RPH3A: variants seen among roughly 807,000 people sequenced by gnomAD.
RPH3A encodes rabphilin-3A.
A neutral mutation model predicts 102.2 loss-of-function variants in RPH3A; 48 were observed. The observed-to-expected ratio is 0.47, with a 90% CI of 0.37 to 0.60. RPH3A has a LOEUF of 0.60. Ranked by LOEUF, RPH3A falls within the 20% of genes least tolerant of loss-of-function variation. The probability of loss-of-function intolerance (pLI) is 0.00; values close to 1 mark genes in which losing one functional copy is unlikely to be tolerated. For missense variants in RPH3A, 781 were observed against 910.1 expected, an observed-to-expected ratio of 0.86 and a Z score of 1.83; for synonymous variants, 310 against 324.3, an observed-to-expected ratio of 0.96 and a Z score of 0.47.
rs1204454021 is a variant in RPH3A, at chr12:112,828,232, G to C, written c.-18-69G>C. ...TATCCCACTGGGTGTGTGGCATAAAGCAGGGATTTGGGAACTAAGGAGTGG... is the reference window on the plus strand; with the variant it reads ...TATCCCACTGGGTGTGTGGCATAAACCAGGGATTTGGGAACTAAGGAGTGG... On this transcript the variant is annotated intron_variant, in intron 2 of 21. Coordinates refer to ENST00000389385, the MANE Select transcript of RPH3A (RefSeq NM_001143854.2). 2.9e-6 allele frequency: 3 copies of C among 1,044,088 alleles called. No individual in the cohort carries two copies. The African/African-American group carries it at 4.8e-5, about 17-fold the overall frequency. 64.7% of individuals were successfully genotyped at this position (1,044,088 alleles called of 1,614,324 possible). A position where few individuals can be genotyped will look rare whatever the true frequency, so the allele number is the denominator to read the frequency against.
At chr12:112,862,382 A>G (rs113804449) in intron 5 of RPH3A, among the ~76,000 whole-genome samples, 3,107 of 152,304 alleles carry the variant, frequency 0.02, 131 homozygotes, top group African/African-American at 0.07. Context: ...TCTGGCCTGG[A>G]TGGCAGAGCA....
At chr12:112,854,754 G>A (rs1001297862) in intron 5 of RPH3A, among the ~76,000 whole-genome samples, 1 of 152,218 alleles carries the variant, frequency 6.6e-6, no homozygotes, top group Non-Finnish European at 1.5e-5. Context: ...TGAAGCTCAG[G>A]GAAGTTAAGC....
intron 21 of RPH3A, 107 bp downstream of exon 21, chr12:112,895,980 ACC>A (rs1319536144): frequency 1.4e-6 from 1 of 731,404 alleles, no homozygotes; most frequent in African/African-American, 1.7e-5. Context: ...TCTTTTGGCA[ACC>A]TCATTGTTCA....
At chr12:112,631,696 T>A (rs943320709) in intron 1 of RPH3A, among the ~76,000 whole-genome samples, 21 of 149,652 alleles carry the variant, frequency 1.4e-4, no homozygotes, top group African/African-American at 4.8e-4. Context: ...TAATTTGTAA[T>A]TTTTTTTTGT....
intron 1 of RPH3A, among the ~76,000 whole-genome samples, chr12:112,624,190 G>C (rs1395413355): frequency 1.6e-5 from 2 of 127,326 alleles, no homozygotes. Context: ...GCTAGCAGAA[G>C]GCAAGAAATA....
chr12:112,644,324 C>G (rs2135993327), intron 1 of RPH3A, among the ~76,000 whole-genome samples: 1 of 152,276 alleles, frequency 6.6e-6, no homozygotes, highest in Middle Eastern at 3.4e-3. Context: ...CAGATTGAGC[C>G]TGTTTGCACT....
chr12:112,702,782 A>G (rs1239818382), intron 1 of RPH3A, among the ~76,000 whole-genome samples: 1 of 152,230 alleles, frequency 6.6e-6, no homozygotes, highest in African/African-American at 2.4e-5. Flanking sequence ...GGAGATTCGG[A>G]GTTCTTCTTA....
At chr12:112,808,477 T>A (rs2041510817) in intron 2 of RPH3A, among the ~76,000 whole-genome samples, 1 of 152,182 alleles carries the variant, frequency 6.6e-6, no homozygotes, top group African/African-American at 2.4e-5. Flanking sequence ...AGTGGTGGAT[T>A]ATTTTTTAAA....
At chr12:112,838,078 G>C (rs2042083436) in intron 4 of RPH3A, among the ~76,000 whole-genome samples, 1 of 152,198 alleles carries the variant, frequency 6.6e-6, no homozygotes, top group Non-Finnish European at 1.5e-5. Flanking sequence ...TATGTGCAGA[G>C]CTATAATCAT....
chr12:112,753,935 A>G (rs1786260125), intron 1 of RPH3A, among the ~76,000 whole-genome samples: 1 of 152,188 alleles, frequency 6.6e-6, no homozygotes, highest in Non-Finnish European at 1.5e-5. Flanking sequence ...GGAGGGTCAG[A>G]GTTCATAGCA....
chr12:112,847,216 G>C (rs2042245573), intron 4 of RPH3A, among the ~76,000 whole-genome samples: 1 of 152,174 alleles, frequency 6.6e-6, no homozygotes, highest in Non-Finnish European at 1.5e-5. Flanking sequence ...TGTTACCAGA[G>C]ACTTCGAGGC....
chr12:112,734,975 T>A (rs2040659264), intron 1 of RPH3A, among the ~76,000 whole-genome samples: 1 of 152,254 alleles, frequency 6.6e-6, no homozygotes, highest in Non-Finnish European at 1.5e-5. Flanking sequence ...TATCTCATCC[T>A]GTGACTCAGA....
chr12:112,743,998 G>A (rs994688845), intron 1 of RPH3A, among the ~76,000 whole-genome samples: 4 of 152,142 alleles, frequency 2.6e-5, no homozygotes, highest in African/African-American at 4.8e-5. Context: ...CATAGTAGGC[G>A]TTAATTAAAA....
Position 112,876,779 on chromosome 12 carries a change from G to A in RPH3A, c.1084G>A (p.Ala362Thr), listed in dbSNP as rs769814617. 1.2e-6 allele frequency: 2 copies of A among 1,611,446 alleles called. No homozygotes were observed. The highest frequency in any genetic ancestry group is 1.3e-5 in the African/African-American group (1 of 74,808). ...PSGPYSQASAAAPQPAAARQP... is the reference protein window; with the variant it reads ...PSGPYSQASATAPQPAAARQP... Reference sequence around the variant, plus strand: ...CGGACCCTATTCCCAAGCATCTGCAGCTGCCCCCCAGCCTGCTGCAGCCCG... The same window carrying A: ...CGGACCCTATTCCCAAGCATCTGCAACTGCCCCCCAGCCTGCTGCAGCCCG... The change falls in exon 13 of 22, where the codon GCT becomes ACT. Residue 362 changes from alanine to threonine, a missense_variant. Coordinates refer to ENST00000389385, the MANE Select transcript of RPH3A (RefSeq NM_001143854.2).
chr12:112,813,069 AT>A (rs2041608507), intron 2 of RPH3A, among the ~76,000 whole-genome samples: 1 of 152,204 alleles, frequency 6.6e-6, no homozygotes, highest in Admixed American at 6.5e-5. Flanking sequence ...TGCTGTTATC[AT>A]CCTTGTTTTT....
intron 1 of RPH3A, among the ~76,000 whole-genome samples, chr12:112,780,644 G>T (rs10850079): frequency 6.6e-6 from 1 of 152,122 alleles, no homozygotes; most frequent in Non-Finnish European, 1.5e-5. Flanking sequence ...CATATGGGCC[G>T]TTTCATGTGT....
At chr12:112,879,727 G>A (rs1236669488) in intron 14 of RPH3A, among the ~76,000 whole-genome samples, 1 of 152,208 alleles carries the variant, frequency 6.6e-6, no homozygotes, top group Non-Finnish European at 1.5e-5. Flanking sequence ...AGGGGAAAAA[G>A]CTGGGTGAAG....
chr12:112,650,326 G>T (rs2039964619), intron 1 of RPH3A, among the ~76,000 whole-genome samples: 1 of 152,190 alleles, frequency 6.6e-6, no homozygotes, highest in African/African-American at 2.4e-5. Flanking sequence ...TTGAGTCCAG[G>T]CCTCCCTGAT....
At position 112,767,199 on chromosome 12, in the gene RPH3A, A is replaced by G. The variant is rs79207722; in HGVS notation, c.-139-24944A>G. 8.6e-3 allele frequency among the ~76,000 whole-genome samples: 1,309 copies of G among 152,302 alleles called. 20 individuals are homozygous for G. The highest frequency in any genetic ancestry group is 0.03 in the African/African-American group (1,238 of 41,550). On this transcript the variant is annotated intron_variant, in intron 1 of 21. Transcript: ENST00000543106. ...CCCAGAGAACTTTTTAAGGGCAGGGACCATGTCTTATTGACCACCATATCT... is the reference window on the plus strand; with the variant it reads ...CCCAGAGAACTTTTTAAGGGCAGGGGCCATGTCTTATTGACCACCATATCT...
Sources: gnomAD v4.1 joint callset for allele counts (sites outside exome capture counted in the v4.1 genomes callset) on GRCh38, gnomAD v4.1.1 for gene constraint, MANE v1.5 for transcripts, NCBI Gene and HGNC (gene_info 2026-07-23, HGNC 2026-07-21) for gene names.